Variants in DIP2C observed in about 807,000 individuals in gnomAD.
The protein encoded by DIP2C is disco-interacting protein 2 homolog C.
Under a neutral mutation model 192.4 loss-of-function variants are expected in DIP2C, and 33 were observed. The observed-to-expected ratio is 0.17, with a 90% CI of 0.13 to 0.23. The LOEUF is 0.23. Among genes scored for constraint, DIP2C ranks in the 10% least tolerant of loss-of-function variants. The probability of loss-of-function intolerance (pLI) is 1.00; values close to 1 mark genes in which losing one functional copy is unlikely to be tolerated. For missense variants in DIP2C, 1,537 were observed against 2,110.1 expected, an observed-to-expected ratio of 0.73 and a Z score of 5.32; for synonymous variants, 979 against 864.1, an observed-to-expected ratio of 1.13 and a Z score of -2.33.
intron 1 of DIP2C, among the ~76,000 whole-genome samples, chr10:600,727 G>A (rs913460216): frequency 9.9e-5 from 15 of 152,238 alleles, no homozygotes; most frequent in African/African-American, 3.1e-4. Context: ...GATTTTCACA[G>A]TCTCATTTCA....
intron 1 of DIP2C, among the ~76,000 whole-genome samples, chr10:579,810 CTA>C (rs963034976): frequency 6.6e-6 from 1 of 151,808 alleles, no homozygotes; most frequent in African/African-American, 2.4e-5. Flanking sequence ...CATAGGTACA[CTA>C]TAATGTGTAC....
At chr10:341,492 G>C (rs947871403) in intron 28 of DIP2C, among the ~76,000 whole-genome samples, 163 bp from the exon 29 acceptor site, 19 of 142,420 alleles carry the variant, frequency 1.3e-4, no homozygotes, top group African/African-American at 5.0e-4. Flanking sequence ...AGGCTGTTTT[G>C]AACGCATCGG....
chr10:644,907 T>TAA (rs1370559037), intron 1 of DIP2C, among the ~76,000 whole-genome samples: 2 of 152,050 alleles, frequency 1.3e-5, no homozygotes, highest in Non-Finnish European at 2.9e-5. Flanking sequence ...AAAGTGAGCA[T>TAA]AAAAATGAAA....
At chr10:538,743 C>T (rs560361883) in intron 1 of DIP2C, among the ~76,000 whole-genome samples, 7 of 152,276 alleles carry the variant, frequency 4.6e-5, no homozygotes, top group South Asian at 4.2e-4. Flanking sequence ...TTATTGAAAA[C>T]GTTTCTTTTT....
intron 29 of DIP2C, among the ~76,000 whole-genome samples, chr10:333,162 C>CA (rs1475407739): frequency 2.0e-5 from 3 of 152,194 alleles, no homozygotes; most frequent in African/African-American, 7.2e-5. Context: ...CTCAGCCTCC[C>CA]AAAGTGCTGG....
intron 1 of DIP2C, among the ~76,000 whole-genome samples, chr10:501,996 A>G (rs1845264150): frequency 6.6e-6 from 1 of 152,030 alleles, no homozygotes; most frequent in Non-Finnish European, 1.5e-5. Flanking sequence ...AACAAAATTA[A>G]TTAATTGGGT....
chr10:474,927 C>T (rs1588221853), intron 2 of DIP2C, among the ~76,000 whole-genome samples: 1 of 151,908 alleles, frequency 6.6e-6, no homozygotes, highest in African/African-American at 2.4e-5. Context: ...ATATCCATTC[C>T]TTTCTTTTCT....
At chr10:475,886 T>A (rs1842993411) in intron 2 of DIP2C, among the ~76,000 whole-genome samples, 1 of 152,062 alleles carries the variant, frequency 6.6e-6, no homozygotes, top group Admixed American at 6.6e-5. Context: ...ATACCCACTG[T>A]CCCCGTCACA....
chr10:311,864 G>T (rs181099727), intron 31 of DIP2C, among the ~76,000 whole-genome samples: 1 of 152,118 alleles, frequency 6.6e-6, no homozygotes, highest in African/African-American at 2.4e-5. Context: ...TAACCACGGC[G>T]CAGGGACACA....
At chr10:548,668 G>A (rs1168543172) in intron 1 of DIP2C, among the ~76,000 whole-genome samples, 3 of 151,582 alleles carry the variant, frequency 2.0e-5, no homozygotes, top group Non-Finnish European at 4.4e-5. Context: ...GTGGCCGGGG[G>A]AGGAGACATG....
At chr10:528,614 G>A (rs991191977) in intron 1 of DIP2C, among the ~76,000 whole-genome samples, 6 of 152,188 alleles carry the variant, frequency 3.9e-5, no homozygotes, top group Admixed American at 2.0e-4. Flanking sequence ...AGCTGTGCAC[G>A]TCACAGTGAG....
At chr10:389,902 C>T in intron 13 of DIP2C, 89 bp downstream of exon 13, 1 of 1,042,106 alleles carries the variant, frequency 9.6e-7, no homozygotes, top group Non-Finnish European at 1.4e-6. Context: ...CACGCTATTT[C>T]TATGGCTCCT....
At chr10:431,115 T>C (rs902313223) in intron 4 of DIP2C, among the ~76,000 whole-genome samples, 1 of 152,250 alleles carries the variant, frequency 6.6e-6, no homozygotes, top group Non-Finnish European at 1.5e-5. Flanking sequence ...ATCACTGATT[T>C]ATAGTAAGTC....
intron 1 of DIP2C, among the ~76,000 whole-genome samples, chr10:619,330 C>G (rs1853683446): frequency 6.6e-6 from 1 of 152,236 alleles, no homozygotes; most frequent in Non-Finnish European, 1.5e-5. Flanking sequence ...ACAGGTCCCA[C>G]CAGCTAACGT....
chr10:599,472 T>C (rs1394906666), intron 1 of DIP2C, among the ~76,000 whole-genome samples: 3 of 152,180 alleles, frequency 2.0e-5, no homozygotes, highest in Non-Finnish European at 4.4e-5. Flanking sequence ...CCAAGTTCCA[T>C]GGAAGTATAA....
chr10:383,977 A>G (rs80234697), intron 16 of DIP2C, 50 bp downstream of exon 16: 158 of 1,425,492 alleles, frequency 1.1e-4, no homozygotes, highest in Middle Eastern at 4.7e-4. Context: ...AAAAAAAAAA[A>G]AAGACTCCAC....
intron 1 of DIP2C, among the ~76,000 whole-genome samples, chr10:625,313 C>T (rs1288029548): frequency 6.6e-6 from 1 of 152,200 alleles, no homozygotes; most frequent in Non-Finnish European, 1.5e-5. Flanking sequence ...AGCACAGTAG[C>T]TTCAGTGCAG....
chr10:500,218 C>T (rs186341188), intron 1 of DIP2C, among the ~76,000 whole-genome samples: 1 of 152,364 alleles, frequency 6.6e-6, no homozygotes, highest in Non-Finnish European at 1.5e-5. Flanking sequence ...GCGTCTGGGG[C>T]AAAGGTGGGT....
chr10:427,228 A>C (rs892590032), intron 4 of DIP2C, among the ~76,000 whole-genome samples: 3 of 152,152 alleles, frequency 2.0e-5, no homozygotes, highest in African/African-American at 7.2e-5. Flanking sequence ...TGTGTCCCTG[A>C]CTTATGGCCC....
Sources: gnomAD v4.1 joint callset for allele counts (sites outside exome capture counted in the v4.1 genomes callset) on GRCh38, gnomAD v4.1.1 for gene constraint, MANE v1.5 for transcripts, NCBI Gene and HGNC (gene_info 2026-07-23, HGNC 2026-07-21) for gene names.